HTR1F: variants seen among roughly 807,000 people sequenced by gnomAD.
HTR1F encodes 5-hydroxytryptamine receptor 1F.
HTR1F carries 17 observed loss-of-function variants against 24.0 expected under a neutral mutation model. The observed-to-expected ratio is 0.71, with a 90% CI of 0.48 to 1.06. The LOEUF is 1.06. Among genes scored for constraint, HTR1F ranks in the 50% least tolerant of loss-of-function variants. The pLI, the probability that HTR1F is intolerant of heterozygous loss-of-function variation, is 0.00. For synonymous variants in HTR1F, 186 were observed against 156.8 expected (o/e 1.19, Z -1.39); for missense variants, 391 against 427.8 (o/e 0.91, Z 0.76).
At chr3:87,813,173 G>A (rs1355898413) in intron 1 of HTR1F, among the ~76,000 whole-genome samples, 1 of 152,186 alleles carries the variant, frequency 6.6e-6, no homozygotes, top group Non-Finnish European at 1.5e-5. Flanking sequence ...TGTGTGCCTG[G>A]AAAAGCCACA....
chr3:87,934,786 C>T (rs1704371376), intron 2 of HTR1F, among the ~76,000 whole-genome samples: 1 of 152,126 alleles, frequency 6.6e-6, no homozygotes, highest in African/African-American at 2.4e-5. Context: ...GGAAGCTAAG[C>T]AATTTACCTC....
At chr3:87,936,027 A>G (rs1022293453) in intron 2 of HTR1F, among the ~76,000 whole-genome samples, 1 of 151,914 alleles carries the variant, frequency 6.6e-6, no homozygotes, top group Admixed American at 6.6e-5. Flanking sequence ...ATTTTTCTAT[A>G]TTTGTAGAGA....
intron 2 of HTR1F, among the ~76,000 whole-genome samples, chr3:87,922,270 A>G (rs1704026795): frequency 6.6e-6 from 1 of 151,900 alleles, no homozygotes. Flanking sequence ...CATTTTCCTG[A>G]TTAATGATGT....
chr3:87,949,955 C>T (rs1362972335), intron 2 of HTR1F, among the ~76,000 whole-genome samples: 1 of 152,142 alleles, frequency 6.6e-6, no homozygotes, highest in Non-Finnish European at 1.5e-5. Flanking sequence ...GGACGAGAAG[C>T]ATGGGCTGGT....
At chr3:87,798,761 G>T (rs187896016) in intron 1 of HTR1F, among the ~76,000 whole-genome samples, 1 of 152,104 alleles carries the variant, frequency 6.6e-6, no homozygotes, top group Non-Finnish European at 1.5e-5. Context: ...TCAGCTCACC[G>T]AATGACTCAG....
chr3:87,843,447 A>C (rs1704853107), intron 2 of HTR1F, among the ~76,000 whole-genome samples: 1 of 151,064 alleles, frequency 6.6e-6, no homozygotes, highest in South Asian at 2.1e-4. Context: ...AGCAAACATA[A>C]ATTTCTTGCC....
chr3:87,973,477 T>G (rs116012136), intron 2 of HTR1F, among the ~76,000 whole-genome samples: 1,700 of 152,330 alleles, frequency 0.011, 40 homozygotes, highest in African/African-American at 0.039. Flanking sequence ...AAAACTCCAG[T>G]GTAACATCTT....
intron 2 of HTR1F, among the ~76,000 whole-genome samples, chr3:87,877,596 A>T (rs1334584575): frequency 1.3e-5 from 2 of 152,172 alleles, no homozygotes. Flanking sequence ...TGAAAAGGGC[A>T]CTGTTATTAT....
chr3:87,909,905 G>C (rs2107346442), intron 2 of HTR1F, among the ~76,000 whole-genome samples: 1 of 152,030 alleles, frequency 6.6e-6, no homozygotes, highest in Admixed American at 6.6e-5. Context: ...TTTTCTTTAA[G>C]CATACTCCAT....
chr3:87,884,181 G>T (rs55641983), intron 2 of HTR1F, among the ~76,000 whole-genome samples: 18,167 of 152,118 alleles, frequency 0.12, 1,380 homozygotes, highest in African/African-American at 0.21. Flanking sequence ...GGGAGTGGGG[G>T]CCAATACTCA....
chr3:87,886,986 A>T (rs937123629), intron 2 of HTR1F, among the ~76,000 whole-genome samples: 60 of 152,056 alleles, frequency 3.9e-4, no homozygotes, highest in Non-Finnish European at 5.9e-4. Flanking sequence ...TTTAAAGTTC[A>T]CATGGAACCG....
At chr3:87,849,479 A>G (rs1481510599) in intron 2 of HTR1F, among the ~76,000 whole-genome samples, 2 of 151,948 alleles carry the variant, frequency 1.3e-5, no homozygotes, top group East Asian at 1.9e-4. Context: ...AAAGACTTAC[A>G]TGTTAGACCT....
chr3:87,961,816 G>C (rs1391864785), intron 2 of HTR1F, among the ~76,000 whole-genome samples: 1 of 144,908 alleles, frequency 6.9e-6, no homozygotes, highest in South Asian at 2.1e-4. Flanking sequence ...AAAAAAAAAA[G>C]AATAAAAGGT....
rs59318745 is a variant in HTR1F at position 87,943,822 on chromosome 3, C to A, written c.-42-46886C>A. ...AAGAGGATATCATGGCCAGGCGGTA[C>A]TGCAGAAGAATATAAATCATTTCTT... On this transcript the variant is annotated intron_variant, in intron 2 of 2. Transcript: ENST00000319595. Among the ~76,000 whole-genome samples, 956 of 152,296 alleles carry A rather than the reference C, an allele frequency of 6.3e-3. 4 individuals carry two copies. Among genetic ancestry groups the A allele is most frequent in the African/African-American group, 0.022 (921 of 41,562 alleles).
chr3:87,808,750 T>C (rs1704113358), intron 1 of HTR1F, among the ~76,000 whole-genome samples: 1 of 151,934 alleles, frequency 6.6e-6, no homozygotes, highest in Non-Finnish European at 1.5e-5. Flanking sequence ...GCATTTATTC[T>C]ATCAGCTTTG....
chr3:87,867,236 C>A (rs1705449505), intron 2 of HTR1F, among the ~76,000 whole-genome samples: 1 of 151,864 alleles, frequency 6.6e-6, no homozygotes, highest in Non-Finnish European at 1.5e-5. Context: ...AATTCTTTGG[C>A]ATTTTCACCC....
intron 2 of HTR1F, among the ~76,000 whole-genome samples, chr3:87,951,171 A>G (rs1704824855): frequency 6.6e-6 from 1 of 152,174 alleles, no homozygotes; most frequent in African/African-American, 2.4e-5. Context: ...TTCAGGTTAT[A>G]CATGATCTCT....
chr3:87,847,752 A>G (rs542288175), intron 2 of HTR1F, among the ~76,000 whole-genome samples: 1 of 151,850 alleles, frequency 6.6e-6, no homozygotes, highest in East Asian at 1.9e-4. Flanking sequence ...TATCCATAAG[A>G]TCAAGATTTT....
chr3:87,850,601 TATA>T (rs35711045), intron 2 of HTR1F, among the ~76,000 whole-genome samples: 23,584 of 151,434 alleles, frequency 0.16, 2,207 homozygotes, highest in African/African-American at 0.24. Flanking sequence ...AAAACATAAG[TATA>T]ATAATAAAAA....
Sources: gnomAD v4.1 joint callset for allele counts (sites outside exome capture counted in the v4.1 genomes callset) on GRCh38, gnomAD v4.1.1 for gene constraint, MANE v1.5 for transcripts, NCBI Gene and HGNC (gene_info 2026-07-23, HGNC 2026-07-21) for gene names.